Variants in ZEB1 observed in about 807,000 individuals in gnomAD.
The protein encoded by ZEB1 is zinc finger E-box binding homeobox 1, also known as zinc finger E-box-binding homeobox 1.
ZEB1 carries 21 observed loss-of-function variants against 84.9 expected under a neutral mutation model. The ratio of observed to expected loss-of-function variants is 0.25; its 90% CI spans 0.18 to 0.36. The LOEUF is 0.36. Among genes scored for constraint, ZEB1 ranks in the 10% least tolerant of loss-of-function variants. The pLI is 1.00. For missense variants in ZEB1, 1,104 were observed against 1,330.2 expected (o/e 0.83, Z 2.65); for synonymous variants, 420 against 471.1 (o/e 0.89, Z 1.41).
intron 3 of ZEB1, among the ~76,000 whole-genome samples, chr10:31,497,594 G>T (rs1156907359): frequency 6.6e-6 from 1 of 152,112 alleles, no homozygotes; most frequent in Non-Finnish European, 1.5e-5. Context: ...CAGTTAAACT[G>T]TAAAATGATG....
chr10:31,338,634 A>G (rs911957912), intron 1 of ZEB1, among the ~76,000 whole-genome samples: 4 of 152,338 alleles, frequency 2.6e-5, no homozygotes, highest in Admixed American at 6.5e-5. Flanking sequence ...CTGAGAATGT[A>G]AAAAGCAATA....
chr10:31,323,839 T>G (rs2034770282), intron 1 of ZEB1, among the ~76,000 whole-genome samples: 1 of 152,148 alleles, frequency 6.6e-6, no homozygotes, highest in African/African-American at 2.4e-5. Context: ...TTTAGTGGTG[T>G]TTTTATAAAT....
intron 1 of ZEB1, among the ~76,000 whole-genome samples, chr10:31,332,130 AATAG>A (rs2133292958): frequency 1.3e-5 from 2 of 152,246 alleles, no homozygotes; most frequent in East Asian, 3.9e-4. Flanking sequence ...TGATAATACT[AATAG>A]ATTTGCATAG....
intron 1 of ZEB1, among the ~76,000 whole-genome samples, chr10:31,456,196 G>T (rs1564938227): frequency 6.6e-6 from 1 of 152,240 alleles, no homozygotes; most frequent in Non-Finnish European, 1.5e-5. Context: ...TCATGGGTGG[G>T]AGTTGAACAA....
chr10:31,394,686 A>G (rs1424338837), intron 1 of ZEB1, among the ~76,000 whole-genome samples: 1 of 152,208 alleles, frequency 6.6e-6, no homozygotes, highest in African/African-American at 2.4e-5. Context: ...AGATTTATCC[A>G]TATTGTTGAC....
At chr10:31,427,377 G>A (rs1015248239) in intron 1 of ZEB1, among the ~76,000 whole-genome samples, 1 of 152,070 alleles carries the variant, frequency 6.6e-6, no homozygotes, top group African/African-American at 2.4e-5. Context: ...AACTCAGTAG[G>A]TATAAGCCGA....
intron 1 of ZEB1, among the ~76,000 whole-genome samples, chr10:31,383,608 T>C (rs1489833468): frequency 2.0e-5 from 3 of 152,226 alleles, no homozygotes; most frequent in Admixed American, 6.5e-5. Flanking sequence ...GTACTGGTAC[T>C]GTTCAGTATG....
At chr10:31,474,454 GA>G (rs1437054140) in intron 2 of ZEB1, among the ~76,000 whole-genome samples, 7 of 152,088 alleles carry the variant, frequency 4.6e-5, no homozygotes, top group Admixed American at 3.3e-4. Context: ...AAAAACACAT[GA>G]AAAAATGCTC....
chr10:31,497,964 G>GATAA (rs1372546900), intron 3 of ZEB1, among the ~76,000 whole-genome samples: 18 of 148,460 alleles, frequency 1.2e-4, no homozygotes, highest in South Asian at 2.2e-4. Flanking sequence ...TAGATAGATA[G>GATAA]ATAGATAGAT....
chr10:31,429,866 C>T (rs181416189), intron 1 of ZEB1, among the ~76,000 whole-genome samples: 1 of 151,292 alleles, frequency 6.6e-6, no homozygotes, highest in Non-Finnish European at 1.5e-5. Context: ...GCCTCAGCCT[C>T]CTGAGTAGCT....
chr10:31,499,005 T>C (rs1032736695), intron 3 of ZEB1, among the ~76,000 whole-genome samples: 2 of 152,178 alleles, frequency 1.3e-5, no homozygotes, highest in African/African-American at 4.8e-5. Flanking sequence ...TTTTATGTTA[T>C]AACTGAGTTG....
chr10:31,445,209 T>C (rs28762708), intron 1 of ZEB1, among the ~76,000 whole-genome samples: 19 of 146,468 alleles, frequency 1.3e-4, no homozygotes, highest in South Asian at 2.1e-4. Context: ...TGATTTGGCT[T>C]TCTGTTTGTC....
At chr10:31,408,499 A>C (rs1469897240) in intron 1 of ZEB1, among the ~76,000 whole-genome samples, 1 of 150,312 alleles carries the variant, frequency 6.7e-6, no homozygotes, top group Non-Finnish European at 1.5e-5. Flanking sequence ...AAACTATACT[A>C]CAAGGCTACA....
Position 31,520,667 on chromosome 10 carries a change from C to T in ZEB1, c.1335C>T (p.Ile445=). ...ANLASKEQET[I]NASPIQQGGH... The stretch of plus-strand genomic sequence containing the variant: ...TTGCATCCAAAGAACAAGAAACAAT[C>T]AATGCTTCACCCATACAACAAGGTG... The change falls in exon 7 of 9, where the codon ATC becomes ATT. Residue 445 remains isoleucine, a synonymous_variant. Transcript: ENST00000424869. The surrounding 1 kb of genome is among the most constrained non-coding windows in gnomAD (Gnocchi z 5.1). 6.2e-7 allele frequency: 1 copy of T among 1,614,036 alleles called. No individual in the cohort carries two copies. Among genetic ancestry groups the T allele is most frequent in the Non-Finnish European group, 8.5e-7 (1 of 1,179,968 alleles).
chr10:31,512,837 G>T (rs1412807398), intron 5 of ZEB1, among the ~76,000 whole-genome samples: 6 of 152,114 alleles, frequency 3.9e-5, no homozygotes, highest in African/African-American at 1.4e-4. Flanking sequence ...ATACAGTGAA[G>T]GAGCCAGTCA....
At chr10:31,408,832 T>C (rs1434744824) in intron 1 of ZEB1, among the ~76,000 whole-genome samples, 2 of 150,580 alleles carry the variant, frequency 1.3e-5, no homozygotes, top group South Asian at 2.1e-4. Context: ...GACATAGGCA[T>C]GGGCAAGGAC....
intron 5 of ZEB1, among the ~76,000 whole-genome samples, chr10:31,513,440 A>G (rs931567767): frequency 1.3e-5 from 2 of 152,224 alleles, no homozygotes; most frequent in African/African-American, 4.8e-5. Context: ...CCAACTGGCA[A>G]TATCAAATAA....
intron 6 of ZEB1, among the ~76,000 whole-genome samples, chr10:31,516,824 A>G (rs2071249870): frequency 6.6e-6 from 1 of 152,022 alleles, no homozygotes; most frequent in South Asian, 2.1e-4. Context: ...GGCCACGTAG[A>G]TACAGTTTAA....
intron 1 of ZEB1, among the ~76,000 whole-genome samples, chr10:31,459,043 T>G (rs183105289): frequency 6.6e-6 from 1 of 152,140 alleles, no homozygotes; most frequent in African/African-American, 2.4e-5. Flanking sequence ...GCAACACTTA[T>G]AGCTTACAGT....
Sources: allele counts gnomAD v4.1 joint callset (sites outside exome capture counted in the v4.1 genomes callset), GRCh38; gene constraint gnomAD v4.1.1; non-coding constraint Gnocchi (gnomAD v3.1); transcripts MANE v1.5; gene names NCBI Gene and HGNC (gene_info 2026-07-23, HGNC 2026-07-21).